Variants in AIRIM observed in about 807,000 individuals in gnomAD.
The protein encoded by AIRIM is AFG2-interacting ribosome maturation factor.
chr1:37,682,345 T>A, the AIRIM span: 2 of 152,472 alleles, frequency 1.3e-5, no homozygotes, highest in Admixed American at 6.5e-5. Flanking sequence ...CTTGGAAATG[T>A]AACCCCGATG....
chr1:37,688,566 T>A, the AIRIM span, among the ~76,000 whole-genome samples: 1 of 152,228 alleles, frequency 6.6e-6, no homozygotes, highest in Non-Finnish European at 1.5e-5. Flanking sequence ...TTCATTTTTA[T>A]ATTCTTGGCA....
chr1:37,686,462 A>G, the AIRIM span: 1 of 1,610,638 alleles, frequency 6.2e-7, no homozygotes, highest in Non-Finnish European at 8.5e-7. Flanking sequence ...TCTGCAAGAA[A>G]GAGTCTGACA....
At chr1:37,690,335 T>C in the AIRIM span, 60 of 1,290,216 alleles carry the variant, frequency 4.7e-5, 1 homozygote, top group South Asian at 5.6e-4. Flanking sequence ...AAGGGTAACC[T>C]GGATAGGGCA....
At chr1:37,691,233 G>A in the AIRIM span, 1 of 152,238 alleles carries the variant, frequency 6.6e-6, no homozygotes, top group African/African-American at 2.4e-5. Flanking sequence ...GGCTTGCCAG[G>A]ACTTCTATGC....
At chr1:37,690,313 T>A in the AIRIM span, 1 of 1,290,860 alleles carries the variant, frequency 7.7e-7, no homozygotes, top group Non-Finnish European at 1.0e-6. Context: ...GAGACCCTGG[T>A]TTCCCCTCGG....
chr1:37,685,759 T>C, the AIRIM span, among the ~76,000 whole-genome samples: 1 of 152,182 alleles, frequency 6.6e-6, no homozygotes, highest in Non-Finnish European at 1.5e-5. Context: ...CACCTGCTGT[T>C]AGGCTCCTCC....
At chr1:37,690,271 C>T in the AIRIM span, 1 of 1,293,014 alleles carries the variant, frequency 7.7e-7, no homozygotes, top group African/African-American at 1.5e-5. Context: ...AGGCGTGAGC[C>T]ACCGCGCCCG....
At chr1:37,688,863 G>C in the AIRIM span, among the ~76,000 whole-genome samples, 7 of 151,870 alleles carry the variant, frequency 4.6e-5, no homozygotes, top group Admixed American at 3.9e-4. Flanking sequence ...GTACTTGGGG[G>C]GCTGAGGTGG....
At chr1:37,686,556 G>T in the AIRIM span, 1 of 1,150,284 alleles carries the variant, frequency 8.7e-7, no homozygotes, top group Non-Finnish European at 1.2e-6. Flanking sequence ...ATTCTCTGTT[G>T]TGAAGGGCTG....
At chr1:37,689,795 T>C in the AIRIM span, 4 of 1,612,712 alleles carry the variant, frequency 2.5e-6, no homozygotes, top group Non-Finnish European at 3.4e-6. Flanking sequence ...CAGGGCACTC[T>C]GCCACAGGCC....
chr1:37,688,511 A>G, the AIRIM span, among the ~76,000 whole-genome samples: 15 of 152,276 alleles, frequency 9.9e-5, no homozygotes, highest in East Asian at 2.7e-3. Context: ...TAATTCACTG[A>G]TTGTTTATTT....
the AIRIM span, chr1:37,683,326 A>G: frequency 1.9e-6 from 3 of 1,614,212 alleles, no homozygotes; most frequent in Non-Finnish European, 2.5e-6. Context: ...TACCTTGTAC[A>G]AGATCTTGGT....
chr1:37,692,007 GTC>G, the AIRIM span: 1 of 154,040 alleles, frequency 6.5e-6, no homozygotes, highest in Admixed American at 6.4e-5. Flanking sequence ...GGGCTGCTCT[GTC>G]TCTGCCGACC....
At chr1:37,688,575 C>T in the AIRIM span, among the ~76,000 whole-genome samples, 1 of 152,140 alleles carries the variant, frequency 6.6e-6, no homozygotes, top group East Asian at 1.9e-4. Flanking sequence ...ATATTCTTGG[C>T]ACCTTGTGCT....
At chr1:37,690,302 G>A in the AIRIM span, 1 of 1,291,336 alleles carries the variant, frequency 7.7e-7, no homozygotes, top group Admixed American at 2.3e-5. Context: ...GCTTTCTGAA[G>A]GAGACCCTGG....
chr1:37,683,266 C>T, the AIRIM span: 33 of 1,612,674 alleles, frequency 2.0e-5, no homozygotes, highest in East Asian at 4.9e-4. Flanking sequence ...AGAGGCGAGC[C>T]ACAGGGAGAG....
the AIRIM span, chr1:37,689,687 GC>G: frequency 6.2e-7 from 1 of 1,614,056 alleles, no homozygotes; most frequent in Non-Finnish European, 8.5e-7. Context: ...ATCTGGGAAG[GC>G]CCGAAGCGCC....
At chr1:37,683,163 G>A in the AIRIM span, 2 of 1,611,792 alleles carry the variant, frequency 1.2e-6, no homozygotes, top group South Asian at 2.2e-5. Context: ...TAGGATATCT[G>A]AAATAGGAAG....
At chr1:37,683,855 T>C in the AIRIM span, 2 of 171,046 alleles carry the variant, frequency 1.2e-5, no homozygotes, top group Non-Finnish European at 2.5e-5. Flanking sequence ...AAAGCAAATC[T>C]TCCAGTCTGC....
Sources: allele counts gnomAD v4.1 joint callset (sites outside exome capture counted in the v4.1 genomes callset), GRCh38; gene constraint gnomAD v4.1.1; transcripts MANE v1.5; gene names NCBI Gene and HGNC (gene_info 2026-07-23, HGNC 2026-07-21).